Variants in SLC47A2 observed in about 807,000 individuals in gnomAD.
SLC47A2 encodes solute carrier family 47 member 2.
A neutral mutation model predicts 67.7 loss-of-function variants in SLC47A2; 52 were observed. The observed-to-expected ratio is 0.77, with a 90% CI of 0.61 to 0.97. SLC47A2 has a LOEUF of 0.97. SLC47A2 is among the 50% of genes least tolerant of loss of function. The probability of loss-of-function intolerance (pLI) is 0.00; values close to 1 mark genes in which losing one functional copy is unlikely to be tolerated. For synonymous variants in SLC47A2, 278 were observed against 292.9 expected (o/e 0.95, Z 0.52); for missense variants, 676 against 712.3 (o/e 0.95, Z 0.58).
chr17:19,707,866 G>C (rs774201639), intron 7 of SLC47A2, 23 bp from the exon 8 acceptor site: 4 of 1,561,910 alleles, frequency 2.6e-6, no homozygotes, highest in Non-Finnish European at 3.5e-6. Context: ...GGAGAACAGG[G>C]CTGCGACTGA....
chr17:19,702,948 G>A (rs887817128), intron 12 of SLC47A2, 144 bp downstream of exon 12: 3 of 931,992 alleles, frequency 3.2e-6, no homozygotes, highest in Non-Finnish European at 4.9e-6. Context: ...GACAGAAGTT[G>A]GCTTCCTCTC....
chr17:19,679,367 G>T (rs1198205302), intron 16 of SLC47A2, among the ~76,000 whole-genome samples: 1 of 152,184 alleles, frequency 6.6e-6, no homozygotes, highest in Non-Finnish European at 1.5e-5. Flanking sequence ...GTGCACACAC[G>T]CCTGGCACTC....
At chr17:19,713,739 G>T (rs2086167191) in intron 4 of SLC47A2, 86 bp downstream of exon 4, 1 of 1,533,430 alleles carries the variant, frequency 6.5e-7, no homozygotes, top group Non-Finnish European at 8.8e-7. Flanking sequence ...GAAGCATGGG[G>T]TGTGAGGGCT....
chr17:19,703,254 A>ATAGG, intron 11 of SLC47A2, 87 bp from the exon 12 acceptor site: 1 of 1,245,224 alleles, frequency 8.0e-7, no homozygotes, highest in Non-Finnish European at 1.2e-6. Flanking sequence ...CCCCTATGTC[A>ATAGG]GTGCAAGTCA....
chr17:19,707,935 G>T, intron 7 of SLC47A2, 92 bp from the exon 8 acceptor site: 1 of 1,205,986 alleles, frequency 8.3e-7, no homozygotes, highest in Non-Finnish European at 1.2e-6. Flanking sequence ...GCCAGCCCGT[G>T]TGGGGCAGGC....
chr17:19,696,974 G>A (rs575202072), intron 13 of SLC47A2, among the ~76,000 whole-genome samples: 1 of 152,232 alleles, frequency 6.6e-6, no homozygotes, highest in African/African-American at 2.4e-5. Context: ...ACCGACTCTT[G>A]AAATAACTAA....
At chr17:19,707,443 C>A (rs1001044112) in intron 8 of SLC47A2, among the ~76,000 whole-genome samples, 11 of 152,202 alleles carry the variant, frequency 7.2e-5, no homozygotes, top group Non-Finnish European at 1.5e-4. Flanking sequence ...ACTGCTGACG[C>A]CTGGTATTCC....
upstream of SLC47A2, chr17:19,716,836 G>T: frequency 2.4e-6 from 1 of 418,744 alleles, no homozygotes; most frequent in East Asian, 4.2e-5. Context: ...GGGATTGGCA[G>T]TAAGGCCTCA....
intron 13 of SLC47A2, among the ~76,000 whole-genome samples, chr17:19,695,809 C>T (rs1395496908): frequency 1.3e-5 from 2 of 151,682 alleles, no homozygotes; most frequent in Non-Finnish European, 2.9e-5. Flanking sequence ...CTACAACTTC[C>T]ACCTCCCAGG....
chr17:19,712,773 T>C, intron 4 of SLC47A2, 28 bp from the exon 5 acceptor site: 2 of 1,609,666 alleles, frequency 1.2e-6, no homozygotes, highest in South Asian at 1.1e-5. Context: ...GCTCCGGAGC[T>C]GACCAGGCTG....
chr17:19,713,927 C>A lies in SLC47A2; in HGVS notation c.341G>T (p.Arg114Leu). The A allele has an allele frequency of 1.5e-5, 25 of 1,613,454 alleles. No homozygotes were observed. Among genetic ancestry groups the A allele is most frequent in the Non-Finnish European group, 2.0e-5 (24 of 1,179,652 alleles). The change falls in exon 4 of 17, where the codon CGG becomes CTG. Residue 114 changes from arginine (R) to leucine (L), a missense_variant. Arg to Leu is a moderately radical substitution (Grantham distance 102, BLOSUM62 -2). Coordinates refer to ENST00000433844, the MANE Select transcript of SLC47A2 (RefSeq NM_001099646.3). Reference protein sequence around the residue: ...NKKHVGVILQRGALVLLLCCL... With the variant: ...NKKHVGVILQLGALVLLLCCL... ...GCAGAGGAGCAGGACCAGCGCGCCC[C>A]GCTGCAGGATCACGCCCACGTGCTT...
intron 13 of SLC47A2, chr17:19,702,078 C>T: frequency 1.1e-5 from 11 of 969,034 alleles, no homozygotes; most frequent in African/African-American, 3.5e-5. Flanking sequence ...TGCTGCACTC[C>T]AGCCTGGGTG....
intron 2 of SLC47A2, 24 bp downstream of exon 2, chr17:19,715,092 C>A (rs778393101): frequency 1.9e-6 from 3 of 1,608,190 alleles, no homozygotes; most frequent in Non-Finnish European, 2.5e-6. Context: ...AACGTCCCTG[C>A]TCTGGGCCAA....
intron 13 of SLC47A2, among the ~76,000 whole-genome samples, chr17:19,700,566 G>T (rs890077616): frequency 6.6e-6 from 1 of 152,168 alleles, no homozygotes; most frequent in Non-Finnish European, 1.5e-5. Context: ...CTCAAGACTA[G>T]CCTGGACAAC....
chr17:19,709,224 G>A (rs2086032123), intron 5 of SLC47A2, among the ~76,000 whole-genome samples: 1 of 152,226 alleles, frequency 6.6e-6, no homozygotes, highest in Middle Eastern at 3.2e-3. Flanking sequence ...TGCTGGCCGT[G>A]GGCAGCCTAT....
chr17:19,704,298 T>C (rs970730319), intron 10 of SLC47A2, 120 bp from the exon 11 acceptor site: 2 of 758,742 alleles, frequency 2.6e-6, no homozygotes, highest in African/African-American at 3.5e-5. Context: ...AGGCATGCAG[T>C]GTAAGAGGCA....
chr17:19,704,854 C>T (rs1265864978), intron 10 of SLC47A2, among the ~76,000 whole-genome samples: 1 of 127,898 alleles, frequency 7.8e-6, no homozygotes, highest in Non-Finnish European at 1.6e-5. Flanking sequence ...GAGACAGAGT[C>T]TTACTCTGTT....
intron 12 of SLC47A2, 75 bp downstream of exon 12, chr17:19,703,017 T>C: frequency 1.4e-6 from 2 of 1,473,478 alleles, no homozygotes; most frequent in South Asian, 2.3e-5. Context: ...GAGCCAGGAA[T>C]GTGATAAATC....
In SLC47A2 at chr17:19,706,654, G is replaced by C; in HGVS notation, c.835C>G (p.Leu279Val). Residue 279 changes from leucine (L) to valine (V), a missense_variant, in exon 9 of 17, where the codon CTC (leucine) becomes GTC (valine). Leu to Val is a conservative substitution (Grantham distance 32, BLOSUM62 1). Coordinates refer to ENST00000433844, the MANE Select transcript of SLC47A2 (RefSeq NM_001099646.3). ...CCCATCCTCTTCCACGTACCCATGA[G>C]GAAGCTCCCGATCTCATAGGCCCAC... ...EWWAYEIGSF[L>V]MGLLSVVDLS... 1 of 1,596,716 alleles carries C rather than the reference G, an allele frequency of 6.3e-7. No individual in the cohort carries two copies. Among genetic ancestry groups the C allele is most frequent in the Non-Finnish European group, 8.5e-7 (1 of 1,174,380 alleles).
Sources: gnomAD v4.1 joint callset for allele counts (sites outside exome capture counted in the v4.1 genomes callset) on GRCh38, gnomAD v4.1.1 for gene constraint, MANE v1.5 for transcripts, NCBI Gene and HGNC (gene_info 2026-07-23, HGNC 2026-07-21) for gene names.